EFCAB7: variants seen among roughly 807,000 people sequenced by gnomAD.
EFCAB7 encodes the protein EF-hand calcium binding domain 7, also known as EF-hand calcium-binding domain-containing protein 7.
A neutral mutation model predicts 77.1 loss-of-function variants in EFCAB7; 66 were observed. The ratio of observed to expected loss-of-function variants is 0.86; its 90% CI spans 0.70 to 1.05. EFCAB7 has a LOEUF of 1.05. Ranked by LOEUF, EFCAB7 falls within the 50% of genes least tolerant of loss-of-function variation. EFCAB7 has a pLI of 0.00. For missense variants in EFCAB7, 638 were observed against 730.5 expected (o/e 0.87, Z 1.46); for synonymous variants, 225 against 243.3 (o/e 0.92, Z 0.70).
chr1:63,572,411 G>C, intron 13 of EFCAB7, 31 bp from the exon 14 acceptor site: 1 of 1,552,792 alleles, frequency 6.4e-7, no homozygotes, highest in Non-Finnish European at 8.7e-7. Flanking sequence ...TATATAAAAA[G>C]AGAGTAAAAG....
chr1:63,544,413 T>C (rs1334293136), intron 6 of EFCAB7, among the ~76,000 whole-genome samples: 1 of 152,048 alleles, frequency 6.6e-6, no homozygotes, highest in African/African-American at 2.4e-5. Flanking sequence ...GTTCTGTAGC[T>C]GTGAAACTTC....
the EFCAB7 span, among the ~76,000 whole-genome samples, chr1:63,578,444 A>G: frequency 2.3e-5 from 3 of 131,386 alleles, no homozygotes; most frequent in African/African-American, 9.6e-5. Context: ...CCTCTAACAT[A>G]CATTTTTTTT....
chr1:63,533,316 A>C lies in EFCAB7; in HGVS notation c.487-138A>C, dbSNP rs181145744. 6.0e-4 allele frequency: 378 copies of C among 633,992 alleles called. 1 individual carries two copies. The highest frequency in any genetic ancestry group is 5.6e-3 in the Middle Eastern group (13 of 2,312). 39.3% of individuals were successfully genotyped at this position (633,992 alleles called of 1,614,324 possible). On this transcript the variant is annotated intron_variant, in intron 4 of 13. Coordinates refer to ENST00000371088, the MANE Select transcript of EFCAB7 (RefSeq NM_032437.4). ...TGAGGCTGGTCAATCTGATTCAAAA[A>C]AATAAAATGCGTAACCATCAATAGG...
chr1:63,555,505 A>G lies in EFCAB7; in HGVS notation c.1204A>G (p.Lys402Glu), dbSNP rs756275931. The change falls in exon 9 of 14, where the codon AAG becomes GAG. Residue 402 changes from lysine to glutamate, a missense_variant. Coordinates refer to ENST00000371088, the MANE Select transcript of EFCAB7 (RefSeq NM_032437.4). ...TGAAACAGGGGAATTATTCCTTACA[A>G]AGGAATTTAAGTAAGTTTTGTTTAT... ...RDETGELFLT[K>E]EFKSTLSDIF... 4 of 1,611,462 alleles carry G rather than the reference A, an allele frequency of 2.5e-6. No homozygotes were observed. The highest frequency in any genetic ancestry group is 3.4e-6 in the Non-Finnish European group (4 of 1,178,738).
At chr1:63,549,308 A>C (rs1646938048) in intron 7 of EFCAB7, 1 of 468,782 alleles carries the variant, frequency 2.1e-6, no homozygotes, top group African/African-American at 2.0e-5. Context: ...TACCTATTTG[A>C]TGAAGATGTC....
intron 6 of EFCAB7, 120 bp from the exon 7 acceptor site, chr1:63,545,796 T>C: frequency 1.2e-6 from 1 of 843,258 alleles, no homozygotes; most frequent in Non-Finnish European, 1.9e-6. Flanking sequence ...TGCACATTCC[T>C]GGAGAGCAAT....
chr1:63,567,523 T>C (rs2100927278), intron 11 of EFCAB7, among the ~76,000 whole-genome samples: 1 of 150,826 alleles, frequency 6.6e-6, no homozygotes, highest in South Asian at 2.1e-4. Flanking sequence ...CAGAGAACAG[T>C]GGGGGAGTGA....
At chr1:63,550,722 G>A (rs1646954503) in intron 7 of EFCAB7, 1 of 152,134 alleles carries the variant, frequency 6.6e-6, no homozygotes. Context: ...TTCTAGAAGA[G>A]GACTGGCAAT....
At chr1:63,532,295 A>G (rs181899101) in intron 3 of EFCAB7, among the ~76,000 whole-genome samples, 115 of 152,218 alleles carry the variant, frequency 7.6e-4, no homozygotes, top group African/African-American at 2.7e-3. Flanking sequence ...TTTGAAAATC[A>G]GTGATAGTTC....
chr1:63,571,265 C>G, intron 13 of EFCAB7, 137 bp downstream of exon 13: 1 of 609,514 alleles, frequency 1.6e-6, no homozygotes, highest in Non-Finnish European at 2.9e-6. Flanking sequence ...CAGTATCATT[C>G]TATACTCAGA....
intron 12 of EFCAB7, chr1:63,568,818 A>C (rs1455491288): frequency 4.7e-6 from 1 of 212,552 alleles, no homozygotes; most frequent in Non-Finnish European, 9.3e-6. Context: ...TGTTTCTAAA[A>C]GTTTTTATGT....
chr1:63,551,877 A>G lies in EFCAB7; in HGVS notation c.1056+43A>G, dbSNP rs760327809. On this transcript the variant is annotated intron_variant, in intron 8 of 13. Coordinates refer to ENST00000371088, the MANE Select transcript of EFCAB7 (RefSeq NM_032437.4). ...CTAATGTTTAATTTTTAAATATAGTATGAACTGCAGTTTGGGGAAAGTATG... is the reference window on the plus strand; with the variant it reads ...CTAATGTTTAATTTTTAAATATAGTGTGAACTGCAGTTTGGGGAAAGTATG... The G allele has an allele frequency of 2.4e-6, 3 of 1,260,094 alleles. No homozygotes were observed. The South Asian group carries it at 4.8e-5, about 20-fold the overall frequency. 78.1% of individuals were successfully genotyped at this position (1,260,094 alleles called of 1,614,324 possible).
chr1:63,525,695 T>G lies in EFCAB7; in HGVS notation c.123T>G (p.Ala41=), dbSNP rs1304235863. The change falls in exon 2 of 14, where the codon GCT becomes GCG. Residue 41 remains alanine (A), a synonymous_variant. Coordinates refer to ENST00000371088, the MANE Select transcript of EFCAB7 (RefSeq NM_032437.4). ...AAATATTTTATATGAATTGTAGAGCTGCCTACTTAACTGTCTTCAAAAGCA... is the reference window on the plus strand; with the variant it reads ...AAATATTTTATATGAATTGTAGAGCGGCCTACTTAACTGTCTTCAAAAGCA... The part of the protein sequence containing the change: ...EEEIFYMNCR[A]AYLTVFKSSL... 2 of 1,599,538 alleles carry G rather than the reference T, an allele frequency of 1.3e-6. No homozygotes were observed. Among genetic ancestry groups the G allele is most frequent in the East Asian group, 2.3e-5 (1 of 44,304 alleles).
At chr1:63,546,325 A>C (rs1338700065) in intron 7 of EFCAB7, among the ~76,000 whole-genome samples, 1 of 152,212 alleles carries the variant, frequency 6.6e-6, no homozygotes, top group East Asian at 1.9e-4. Flanking sequence ...GAAGAAAATA[A>C]AAGAAAAAAA....
chr1:63,577,468 G>GC (rs1173495993), downstream of EFCAB7, among the ~76,000 whole-genome samples: 3 of 152,040 alleles, frequency 2.0e-5, no homozygotes, highest in African/African-American at 7.2e-5. Flanking sequence ...AAGCTTTCTG[G>GC]CAATTTCTGA....
chr1:63,531,827 G>A lies in EFCAB7; in HGVS notation c.195G>A (p.Gln65=). 1.2e-6 allele frequency: 2 copies of A among 1,611,376 alleles called. No individual in the cohort carries two copies. The highest frequency in any genetic ancestry group is 1.7e-6 in the Non-Finnish European group (2 of 1,178,910). ...ACTTGTCTTGTTGGGCAGCTCTTCA[G>A]CATGCAGGAAGAAATCCATCCCAAA... The part of the protein sequence containing the change: ...ISKDQLYLAL[Q]HAGRNPSQKT... Residue 65 remains glutamine (Q), a synonymous_variant, in exon 3 of 14, where the codon CAG becomes CAA. Coordinates refer to ENST00000371088, the MANE Select transcript of EFCAB7 (RefSeq NM_032437.4).
chr1:63,572,373 C>T, intron 13 of EFCAB7, 69 bp from the exon 14 acceptor site: 2 of 1,273,440 alleles, frequency 1.6e-6, no homozygotes, highest in African/African-American at 1.5e-5. Context: ...AAATGTTGTC[C>T]TGTTTAAAAA....
intron 11 of EFCAB7, among the ~76,000 whole-genome samples, chr1:63,562,675 C>CTT (rs1208989157): frequency 7.3e-6 from 1 of 137,886 alleles, no homozygotes; most frequent in Non-Finnish European, 1.6e-5. Flanking sequence ...AATTTTTTAA[C>CTT]TTTTTTTTTT....
chr1:63,565,420 A>G (rs1647159121), intron 11 of EFCAB7, among the ~76,000 whole-genome samples: 1 of 152,102 alleles, frequency 6.6e-6, no homozygotes, highest in African/African-American at 2.4e-5. Context: ...AAAACCCAAA[A>G]GTGTAAAAAC....
Sources: allele counts gnomAD v4.1 joint callset (sites outside exome capture counted in the v4.1 genomes callset), GRCh38; gene constraint gnomAD v4.1.1; transcripts MANE v1.5; gene names NCBI Gene and HGNC (gene_info 2026-07-23, HGNC 2026-07-21).